SETD2: variants seen among roughly 807,000 people sequenced by gnomAD.
SETD2 encodes histone-lysine N-methyltransferase SETD2.
In SETD2, 31 loss-of-function variants were observed where a neutral mutation model predicts 242.1. That is an observed-to-expected ratio of 0.13 (90% CI 0.10 to 0.17). The LOEUF is 0.17. SETD2 is among the 10% of genes least tolerant of loss of function. The pLI is 1.00. For missense variants in SETD2, 2,481 were observed against 3,046.3 expected (o/e 0.81, Z 4.37); for synonymous variants, 1,006 against 1,066.5 (o/e 0.94, Z 1.11).
At chr3:47,135,742 A>G (rs1031707946) in intron 1 of SETD2, among the ~76,000 whole-genome samples, 6 of 152,076 alleles carry the variant, frequency 3.9e-5, no homozygotes, top group African/African-American at 1.2e-4. Context: ...TATCACCATG[A>G]TCTCCATGAC....
intron 1 of SETD2, among the ~76,000 whole-genome samples, chr3:47,158,537 A>G (rs1327256829): frequency 6.6e-6 from 1 of 151,718 alleles, no homozygotes; most frequent in Non-Finnish European, 1.5e-5. Flanking sequence ...AATGAATAAT[A>G]TATTTTCACT....
intron 14 of SETD2, among the ~76,000 whole-genome samples, chr3:47,061,474 G>A (rs985358413): frequency 1.3e-5 from 2 of 152,020 alleles, no homozygotes; most frequent in African/African-American, 4.8e-5. Context: ...TTCAATAAAT[G>A]GTGCTGAGAA....
intron 10 of SETD2, among the ~76,000 whole-genome samples, chr3:47,086,554 G>A (rs531294243): frequency 1.2e-4 from 19 of 152,040 alleles, no homozygotes; most frequent in Admixed American, 3.9e-4. Context: ...TTTTACTAAC[G>A]TAGAAAATTA....
At position 47,127,809 on chromosome 3, in the gene SETD2, G is replaced by A. The variant is rs146239495; in HGVS notation, c.72-1146C>T. ...GTGGAGGTTGCAGTGAGCCAAAGTCGTGCCATTGCACTCCAGCCTGGGCAA... is the reference window on the plus strand; with the variant it reads ...GTGGAGGTTGCAGTGAGCCAAAGTCATGCCATTGCACTCCAGCCTGGGCAA... On this transcript the variant is annotated intron_variant, in intron 1 of 20. Transcript: ENST00000409792. Among the ~76,000 whole-genome samples, 130 of 152,268 alleles carry A rather than the reference G, an allele frequency of 8.5e-4. 1 individual carries two copies. Among genetic ancestry groups the A allele is most frequent in the African/African-American group, 2.3e-3 (95 of 41,546 alleles).
Position 47,120,731 on chromosome 3 carries a change from C to T in SETD2, c.3905G>A (p.Gly1302Asp), listed in dbSNP as rs1348000790. 4 of 1,614,178 alleles carry T rather than the reference C, an allele frequency of 2.5e-6. No homozygotes were observed. The highest frequency in any genetic ancestry group is 2.2e-5 in the East Asian group (1 of 44,888). The change falls in exon 3 of 21, where the codon GGC becomes GAC. Residue 1302 changes from glycine to aspartate, a missense_variant. This residue lies in a region of SETD2 where 1,300 missense variants were observed against 1,259.2 expected (regional missense o/e 1.03). Transcript: ENST00000409792. Reference sequence around the variant, plus strand: ...TGATCTTGGATCCCAGTAACCATTGCCTTGCCAGTAATCACGTGTCCCACC... The same window carrying T: ...TGATCTTGGATCCCAGTAACCATTGTCTTGCCAGTAATCACGTGTCCCACC... ...QYGGTRDYWQ[G>D]NGYWDPRSGR...
rs534194911 is a variant in SETD2 at position 47,016,623 on chromosome 3, A to G, written c.*470T>C. On this transcript the variant is annotated 3_prime_UTR_variant, in exon 21 of 21. Transcript: ENST00000409792. ...GCAGGAGAACTTAAACTGTCCTTAC[A>G]AAGTCTTCCTGTGATCCTAGCATGT... is the stretch of plus-strand genomic sequence containing the variant. 4.3e-6 allele frequency: 1 copy of G among 234,904 alleles called. No individual in the cohort carries two copies. Among genetic ancestry groups the G allele is most frequent in the East Asian group, 6.0e-5 (1 of 16,622 alleles). 14.6% of individuals were successfully genotyped at this position (234,904 alleles called of 1,614,324 possible).
rs2106724891 is a variant in SETD2, at chr3:47,124,304, T to G, written c.332A>C (p.Asp111Ala). 6.4e-7 allele frequency: 1 copy of G among 1,551,762 alleles called. No homozygotes were observed. Among genetic ancestry groups the G allele is most frequent in the Non-Finnish European group, 8.7e-7 (1 of 1,146,998 alleles). ...TTCCATTTTCATTTTAGGAGTCGAG[T>G]CTACCTGAAGAGGTACAGCTGGAGG... ...PNPPAVPLQV[D>A]STPKMKMEIG... Residue 111 changes from aspartate (D) to alanine (A), a missense_variant, in exon 3 of 21, where the codon GAC becomes GCC. Physicochemically the swap from Asp to Ala is moderately radical, Grantham distance 126 (BLOSUM62 -2). Around this residue, in one of 17 missense-constraint regions of SETD2, gnomAD observed 334 missense variants for 374.5 expected, o/e 0.89. Transcript: ENST00000409792.
chr3:47,035,198 T>C (rs913874242), intron 18 of SETD2, among the ~76,000 whole-genome samples: 5 of 152,222 alleles, frequency 3.3e-5, no homozygotes, highest in African/African-American at 9.7e-5. Context: ...GATTCTGATC[T>C]AGCAGGTCTG....
At position 47,097,915 on chromosome 3, in the gene SETD2, A is replaced by T. The variant is rs778403895; in HGVS notation, c.5142+40T>A. The T allele has an allele frequency of 5.6e-6, 9 of 1,605,180 alleles. No individual in the cohort carries two copies. In the Admixed American group the frequency reaches 1.5e-4, roughly 27 times the overall value. ...TCAGAAAAGCCACCTCGCTTTTTAA[A>T]TTTTTTATTGTGAAAGTTGAAAGAA... On this transcript the variant is annotated intron_variant, in intron 9 of 20. Coordinates refer to ENST00000409792, the MANE Select transcript of SETD2 (RefSeq NM_014159.7).
At chr3:47,068,262 AAAT>A (rs1466265351) in intron 12 of SETD2, among the ~76,000 whole-genome samples, 16 of 152,344 alleles carry the variant, frequency 1.1e-4, no homozygotes, top group Non-Finnish European at 2.4e-4. Flanking sequence ...TATTTGTGAA[AAAT>A]AATAAGCCAC....
In SETD2 at chr3:47,121,118, T is replaced by C. The variant is rs765164967; in HGVS notation, c.3518A>G (p.His1173Arg). 1.2e-6 allele frequency: 2 copies of C among 1,614,150 alleles called. No individual in the cohort carries two copies. The highest frequency in any genetic ancestry group is 2.7e-5 in the African/African-American group (2 of 75,052). ...CAGAGGGTCAGATTTCACATCTGTA[T>C]GACTTGTACTATCAACCCCATCACT... ...PQSDGVDSTSHTDVKSDPLGH... is the reference protein window; with the variant it reads ...PQSDGVDSTSRTDVKSDPLGH... The change falls in exon 3 of 21, where the codon CAT (histidine) becomes CGT (arginine). Residue 1173 changes from histidine to arginine, a missense_variant. Around this residue, in one of 17 missense-constraint regions of SETD2, gnomAD observed 1,300 missense variants for 1,259.2 expected, o/e 1.03. Transcript: ENST00000409792.
intron 12 of SETD2, among the ~76,000 whole-genome samples, chr3:47,083,049 T>G (rs2041384549): frequency 6.6e-6 from 1 of 152,208 alleles, no homozygotes. Context: ...TCTCCTAGGT[T>G]TATCCTGTTA....
chr3:47,047,462 T>A (rs1334705342), intron 15 of SETD2, among the ~76,000 whole-genome samples: 1 of 152,246 alleles, frequency 6.6e-6, no homozygotes, highest in Non-Finnish European at 1.5e-5. Context: ...TGAATAGACA[T>A]GTATCCTGTG....
intron 1 of SETD2, among the ~76,000 whole-genome samples, chr3:47,150,048 T>TTTTTA (rs2043948431): frequency 6.8e-6 from 1 of 146,930 alleles, no homozygotes; most frequent in East Asian, 2.0e-4. Context: ...TTTTTTTTTT[T>TTTTTA]GAGACAGAGT....
At chr3:47,082,303 C>T (rs1171115997) in intron 12 of SETD2, among the ~76,000 whole-genome samples, 1 of 152,228 alleles carries the variant, frequency 6.6e-6, no homozygotes, top group Admixed American at 6.5e-5. Context: ...TACAACCCTA[C>T]TTATTCTTCC....
At chr3:47,059,567 G>A (rs2040246976) in intron 14 of SETD2, among the ~76,000 whole-genome samples, 1 of 151,390 alleles carries the variant, frequency 6.6e-6, no homozygotes, top group African/African-American at 2.4e-5. Flanking sequence ...CTACAATCAT[G>A]TGCCACCACA....
At chr3:47,025,511 C>A (rs1181688892) in intron 18 of SETD2, among the ~76,000 whole-genome samples, 1 of 152,176 alleles carries the variant, frequency 6.6e-6, no homozygotes, top group Non-Finnish European at 1.5e-5. Context: ...ATTAACCATA[C>A]TAGCAAAGCA....
At chr3:47,102,443 G>A (rs2042249677) in intron 7 of SETD2, among the ~76,000 whole-genome samples, 1 of 152,208 alleles carries the variant, frequency 6.6e-6, no homozygotes. Flanking sequence ...TTCAACATGA[G>A]AGGAAATCAA....
At chr3:47,096,040 G>A (rs1006321839) in intron 9 of SETD2, among the ~76,000 whole-genome samples, 1 of 152,154 alleles carries the variant, frequency 6.6e-6, no homozygotes, top group Non-Finnish European at 1.5e-5. Context: ...ATAAGCAAGA[G>A]CCACCACGCC....
Sources: allele counts gnomAD v4.1 joint callset (sites outside exome capture counted in the v4.1 genomes callset), GRCh38; gene constraint gnomAD v4.1.1; regional missense constraint gnomAD v4.1.1; transcripts MANE v1.5; gene names NCBI Gene and HGNC (gene_info 2026-07-23, HGNC 2026-07-21).